Variants in GPC6 observed in about 807,000 individuals in gnomAD.
GPC6 encodes the protein glypican-6.
Under a neutral mutation model 55.2 loss-of-function variants are expected in GPC6, and 14 were observed. The ratio of observed to expected loss-of-function variants is 0.25; its 90% CI spans 0.17 to 0.40. GPC6 has a LOEUF of 0.40. GPC6 is among the 10% of genes least tolerant of loss of function. GPC6 has a pLI of 1.00. For missense variants in GPC6, 641 were observed against 708.5 expected, an observed-to-expected ratio of 0.90 and a Z score of 1.08; for synonymous variants, 278 against 259.6, an observed-to-expected ratio of 1.07 and a Z score of -0.68.
intron 3 of GPC6, among the ~76,000 whole-genome samples, chr13:93,975,337 T>G (rs937094085): frequency 6.6e-6 from 1 of 152,188 alleles, no homozygotes; most frequent in Non-Finnish European, 1.5e-5. Context: ...GGGGATTTCT[T>G]GAGTTTTATG....
chr13:93,902,560 G>C (rs928804303), intron 3 of GPC6, among the ~76,000 whole-genome samples: 3 of 152,058 alleles, frequency 2.0e-5, no homozygotes, highest in African/African-American at 7.2e-5. Flanking sequence ...CCTTCCTTTA[G>C]ATCTATAGCC....
At chr13:94,109,151 G>A (rs2138837159) in intron 4 of GPC6, among the ~76,000 whole-genome samples, 1 of 152,292 alleles carries the variant, frequency 6.6e-6, no homozygotes, top group East Asian at 1.9e-4. Context: ...TGGCCTTGCA[G>A]GATGTTTGCA....
At chr13:94,078,522 G>T (rs1357277268) in intron 4 of GPC6, among the ~76,000 whole-genome samples, 1 of 151,818 alleles carries the variant, frequency 6.6e-6, no homozygotes, top group Non-Finnish European at 1.5e-5. Context: ...AAGATAAAAA[G>T]AGAGAAGCAG....
At position 94,378,540 on chromosome 13, in the gene GPC6, T is replaced by C. The variant is rs1192439217; in HGVS notation, c.1153-3874T>C. ...TCTTCCTAATAGAGTCAAGTGTTCA[T>C]GGTCCTTTTGACAGGTCTTAAACTA... On this transcript the variant is annotated intron_variant, in intron 6 of 8. Coordinates refer to ENST00000377047, the MANE Select transcript of GPC6 (RefSeq NM_005708.5). Among the ~76,000 whole-genome samples, 8 of 152,304 alleles carry C rather than the reference T, an allele frequency of 5.3e-5. No homozygotes were observed. The East Asian group carries it at 1.2e-3, about 22-fold the overall frequency.
At chr13:93,409,240 C>G (rs1286764141) in intron 1 of GPC6, among the ~76,000 whole-genome samples, 1 of 151,806 alleles carries the variant, frequency 6.6e-6, no homozygotes, top group Non-Finnish European at 1.5e-5. Context: ...CAGCTGGCAG[C>G]TGCATTGCCC....
intron 1 of GPC6, among the ~76,000 whole-genome samples, chr13:93,233,957 G>A (rs1423283407): frequency 6.6e-6 from 1 of 152,212 alleles, no homozygotes; most frequent in Non-Finnish European, 1.5e-5. Flanking sequence ...TAGTGCTAAA[G>A]TCAAGTTTCT....
At chr13:94,350,831 G>T (rs1179128099) in intron 6 of GPC6, among the ~76,000 whole-genome samples, 1 of 152,122 alleles carries the variant, frequency 6.6e-6, no homozygotes, top group Non-Finnish European at 1.5e-5. Flanking sequence ...GTTCTGAGAA[G>T]CTAGAGAGCA....
Position 93,577,447 on chromosome 13 carries a change from T to C in GPC6, c.319+32026T>C, listed in dbSNP as rs1384364870. Among the ~76,000 whole-genome samples the C allele has an allele frequency of 3.3e-5, 5 of 152,130 alleles. No individual in the cohort carries two copies. In the East Asian group the frequency reaches 9.7e-4, roughly 29 times the overall value. On this transcript the variant is annotated intron_variant, in intron 2 of 8. Transcript: ENST00000377047. ...CCATGGCTTAAGTATACATTGACTT[T>C]GTGGGAAGTCCACCTCTACCGCTGC...
At chr13:93,308,799 T>A (rs989833369) in intron 1 of GPC6, among the ~76,000 whole-genome samples, 6 of 152,244 alleles carry the variant, frequency 3.9e-5, no homozygotes, top group Admixed American at 3.9e-4. Flanking sequence ...GCATTTATAA[T>A]CTTAATTTTT....
At chr13:94,039,078 T>C (rs1439065061) in intron 4 of GPC6, among the ~76,000 whole-genome samples, 1 of 151,818 alleles carries the variant, frequency 6.6e-6, no homozygotes, top group Admixed American at 6.6e-5. Context: ...AAAACAGTGG[T>C]AGGAAGGTAG....
At chr13:93,247,621 G>A (rs9561291) in intron 1 of GPC6, among the ~76,000 whole-genome samples, 7 of 152,086 alleles carry the variant, frequency 4.6e-5, no homozygotes, top group East Asian at 1.9e-4. Flanking sequence ...TTATATGACC[G>A]CAATAAAGAA....
chr13:93,839,749 G>A (rs527955522), intron 3 of GPC6, among the ~76,000 whole-genome samples: 19 of 152,182 alleles, frequency 1.2e-4, no homozygotes, highest in Non-Finnish European at 2.4e-4. Context: ...CAATATCAGC[G>A]CACTATAGAG....
chr13:94,078,129 A>G lies in GPC6; in HGVS notation c.877+50235A>G, dbSNP rs570420879. On this transcript the variant is annotated intron_variant, in intron 4 of 8. Coordinates refer to ENST00000377047, the MANE Select transcript of GPC6 (RefSeq NM_005708.5). ...CAGGAGGCAGATTGGAAAATTCACA[A>G]ATATGTGGAAATTTAATAATATATT... 7.9e-5 allele frequency among the ~76,000 whole-genome samples: 12 copies of G among 152,044 alleles called. 1 individual carries two copies. Among genetic ancestry groups the G allele is most frequent in the Admixed American group, 5.9e-4 (9 of 15,270 alleles).
chr13:93,675,697 C>T (rs959695202), intron 2 of GPC6, among the ~76,000 whole-genome samples: 22 of 152,060 alleles, frequency 1.4e-4, no homozygotes, highest in African/African-American at 5.1e-4. Context: ...TTAAAAATGT[C>T]GTCAAGCAAA....
intron 1 of GPC6, among the ~76,000 whole-genome samples, chr13:93,263,122 G>T (rs1422071929): frequency 6.6e-6 from 1 of 152,144 alleles, no homozygotes; most frequent in Non-Finnish European, 1.5e-5. Flanking sequence ...TCATGGCACT[G>T]GTGGGTGTGT....
At chr13:94,190,903 A>G (rs1037657467) in intron 4 of GPC6, among the ~76,000 whole-genome samples, 17 of 152,304 alleles carry the variant, frequency 1.1e-4, no homozygotes, top group African/African-American at 4.1e-4. Flanking sequence ...ATTAGTATAT[A>G]AGTGGTACAT....
intron 1 of GPC6, among the ~76,000 whole-genome samples, chr13:93,457,001 G>A (rs8000712): frequency 0.21 from 32,661 of 152,056 alleles, 3,643 homozygotes; most frequent in Middle Eastern, 0.29. Flanking sequence ...CACCAGATCC[G>A]ATGATTTTAC....
chr13:93,537,617 G>A (rs1882112378), intron 1 of GPC6, among the ~76,000 whole-genome samples: 1 of 151,978 alleles, frequency 6.6e-6, no homozygotes, highest in African/African-American at 2.4e-5. Context: ...TATCCTCATA[G>A]CAACATTTTA....
At chr13:93,925,454 A>T (rs989395817) in intron 3 of GPC6, among the ~76,000 whole-genome samples, 3 of 152,212 alleles carry the variant, frequency 2.0e-5, no homozygotes, top group Non-Finnish European at 4.4e-5. Context: ...TGAGTTGGTT[A>T]TAAGAAGTAG....
Sources: gnomAD v4.1 joint callset for allele counts (sites outside exome capture counted in the v4.1 genomes callset) on GRCh38, gnomAD v4.1.1 for gene constraint, MANE v1.5 for transcripts, NCBI Gene and HGNC (gene_info 2026-07-23, HGNC 2026-07-21) for gene names.